Variants in SIL1 observed in about 807,000 individuals in gnomAD.
SIL1 encodes SIL1 nucleotide exchange factor.
Under a neutral mutation model 49.1 loss-of-function variants are expected in SIL1, and 40 were observed. That is an observed-to-expected ratio of 0.81 (90% CI 0.63 to 1.06). The LOEUF (loss-of-function observed/expected upper bound fraction) is 1.06, where lower values mean the gene tolerates loss of function less well. Among genes scored for constraint, SIL1 ranks in the 50% least tolerant of loss-of-function variants. The probability of loss-of-function intolerance (pLI) is 0.00; values close to 1 mark genes in which losing one functional copy is unlikely to be tolerated. For missense variants in SIL1, 500 were observed against 572.6 expected, an observed-to-expected ratio of 0.87 and a Z score of 1.29; for synonymous variants, 253 against 250.8, an observed-to-expected ratio of 1.01 and a Z score of -0.08.
chr5:139,142,146 T>A (rs548164218), intron 1 of SIL1, among the ~76,000 whole-genome samples: 6 of 152,330 alleles, frequency 3.9e-5, no homozygotes, highest in African/African-American at 1.4e-4. Flanking sequence ...CTGGCCCAAC[T>A]TCAAAGCCAA....
chr5:139,074,818 CTG>C (rs1379294281), intron 3 of SIL1, among the ~76,000 whole-genome samples: 1 of 86,230 alleles, frequency 1.2e-5, no homozygotes, highest in African/African-American at 2.8e-5. Flanking sequence ...CTTTCTCTCT[CTG>C]TCTTTTTTAT....
At chr5:139,037,058 T>C (rs112788012) in intron 5 of SIL1, among the ~76,000 whole-genome samples, 7 of 151,680 alleles carry the variant, frequency 4.6e-5, no homozygotes, top group African/African-American at 1.7e-4. Flanking sequence ...TTCCTCTCTC[T>C]AAAAGTGTCT....
intron 1 of SIL1, chr5:139,137,459 C>T: frequency 3.3e-6 from 2 of 604,496 alleles, no homozygotes; most frequent in South Asian, 3.9e-5. Flanking sequence ...AAACTGGACT[C>T]ATCATTTTAT....
chr5:138,981,050 C>A (rs1767506750), intron 7 of SIL1, among the ~76,000 whole-genome samples: 1 of 151,896 alleles, frequency 6.6e-6, no homozygotes, highest in African/African-American at 2.4e-5. Flanking sequence ...ATAAAAGATA[C>A]AAAAATTTGC....
rs896269024 is a variant in SIL1 at position 138,947,676 on chromosome 5, C to G, written c.1030-203G>C. On this transcript the variant is annotated intron_variant, in intron 9 of 9. Transcript: ENST00000394817. The surrounding 1 kb of genome is among the most constrained non-coding windows in gnomAD (Gnocchi z 4.1). Reference sequence around the variant, plus strand: ...ACCAACAGAAACACTTGTGTGGTGCCAGGTGCTGAAGAAACCACGATGGAG... The same window carrying G: ...ACCAACAGAAACACTTGTGTGGTGCGAGGTGCTGAAGAAACCACGATGGAG... 6.6e-6 allele frequency among the ~76,000 whole-genome samples: 1 copy of G among 152,184 alleles called. No individual in the cohort carries two copies. Among genetic ancestry groups the G allele is most frequent in the African/African-American group, 2.4e-5 (1 of 41,448 alleles).
chr5:138,994,400 A>G (rs554818199), intron 7 of SIL1, among the ~76,000 whole-genome samples: 1 of 152,316 alleles, frequency 6.6e-6, no homozygotes, highest in South Asian at 2.1e-4. Context: ...TAGGCATAAC[A>G]AAAGAGATTG....
chr5:138,955,393 CTG>C, intron 7 of SIL1, among the ~76,000 whole-genome samples: 1 of 152,322 alleles, frequency 6.6e-6, no homozygotes, highest in Non-Finnish European at 1.5e-5. Flanking sequence ...AGCTGCTACT[CTG>C]TAAATCTTGC....
chr5:139,103,821 A>G (rs1432150814), intron 3 of SIL1, among the ~76,000 whole-genome samples: 3 of 152,200 alleles, frequency 2.0e-5, no homozygotes, highest in Non-Finnish European at 4.4e-5. Flanking sequence ...GGACCATGGG[A>G]AAGTTAATTT....
intron 3 of SIL1, among the ~76,000 whole-genome samples, chr5:139,076,909 T>G (rs763109046): frequency 4.5e-4 from 68 of 152,266 alleles, no homozygotes; most frequent in Non-Finnish European, 1.2e-4. Flanking sequence ...GGCAGGCGGA[T>G]CACGAGGTCA....
At chr5:139,168,587 C>A (rs1751671107) in intron 1 of SIL1, among the ~76,000 whole-genome samples, 1 of 151,810 alleles carries the variant, frequency 6.6e-6, no homozygotes, top group South Asian at 2.1e-4. Context: ...TTCCCTCAGG[C>A]TGAAGTGACT....
chr5:139,002,066 C>T (rs1287991013), intron 7 of SIL1, among the ~76,000 whole-genome samples: 1 of 151,916 alleles, frequency 6.6e-6, no homozygotes, highest in Non-Finnish European at 1.5e-5. Context: ...TAAAAATTAC[C>T]CAGGTGTGGT....
At chr5:139,021,520 G>T (rs1416755552) in intron 6 of SIL1, among the ~76,000 whole-genome samples, 1 of 152,200 alleles carries the variant, frequency 6.6e-6, no homozygotes, top group Non-Finnish European at 1.5e-5. Flanking sequence ...GTGGGAATCA[G>T]CAGAAATGAC....
At chr5:139,130,741 A>G (rs776316058) in intron 1 of SIL1, among the ~76,000 whole-genome samples, 16 of 152,266 alleles carry the variant, frequency 1.1e-4, no homozygotes, top group Non-Finnish European at 2.1e-4. Context: ...TGCCATCAAA[A>G]GATGGATTTT....
chr5:139,138,435 AC>A (rs1273487107), intron 1 of SIL1, among the ~76,000 whole-genome samples: 3 of 152,068 alleles, frequency 2.0e-5, no homozygotes, highest in African/African-American at 7.2e-5. Flanking sequence ...TACTCCTTAT[AC>A]CTGATCCTTG....
At chr5:138,969,170 AG>A (rs1561809490) in intron 7 of SIL1, among the ~76,000 whole-genome samples, 2 of 152,364 alleles carry the variant, frequency 1.3e-5, no homozygotes, top group East Asian at 1.9e-4. Context: ...TTTGGGAAGC[AG>A]GGAGTTTCAC....
intron 7 of SIL1, among the ~76,000 whole-genome samples, chr5:139,017,387 C>T (rs1190469173): frequency 6.6e-6 from 1 of 152,170 alleles, no homozygotes; most frequent in East Asian, 1.9e-4. Context: ...TACATAATCT[C>T]ACCATGACTA....
At chr5:139,046,920 T>C (rs572352504) in intron 4 of SIL1, among the ~76,000 whole-genome samples, 1 of 152,358 alleles carries the variant, frequency 6.6e-6, no homozygotes, top group African/African-American at 2.4e-5. Context: ...AATGACCAGA[T>C]AATATCTTAC....
At chr5:138,984,947 T>G (rs922198464) in intron 7 of SIL1, among the ~76,000 whole-genome samples, 5 of 152,110 alleles carry the variant, frequency 3.3e-5, no homozygotes, top group South Asian at 2.1e-4. Context: ...AATAGGCAAA[T>G]TAAACTCATT....
At chr5:138,978,336 T>C (rs1248024643) in intron 7 of SIL1, among the ~76,000 whole-genome samples, 2 of 152,218 alleles carry the variant, frequency 1.3e-5, no homozygotes, top group Non-Finnish European at 2.9e-5. Flanking sequence ...CTCTGACTTT[T>C]TAAAAGTTTC....
Sources: allele counts gnomAD v4.1 joint callset (sites outside exome capture counted in the v4.1 genomes callset), GRCh38; gene constraint gnomAD v4.1.1; non-coding constraint Gnocchi (gnomAD v3.1); transcripts MANE v1.5; gene names NCBI Gene and HGNC (gene_info 2026-07-23, HGNC 2026-07-21).